Variants in CCDC171 observed in about 807,000 individuals in gnomAD.
CCDC171 encodes coiled-coil domain containing 171.
A neutral mutation model predicts 168.2 loss-of-function variants in CCDC171; 177 were observed. The observed-to-expected ratio is 1.05, with a 90% confidence interval of 0.93 to 1.19. The LOEUF is 1.19. CCDC171 is among the 50% of genes most tolerant of loss of function. The pLI, the probability that CCDC171 is intolerant of heterozygous loss-of-function variation, is 0.00. For missense variants in CCDC171, 1,991 were observed against 1,539.0 expected (o/e 1.29, Z -4.91); for synonymous variants, 687 against 540.8 (o/e 1.27, Z -3.75).
intron 11 of CCDC171, among the ~76,000 whole-genome samples, chr9:15,714,082 T>A (rs925306583): frequency 1.1e-4 from 16 of 152,160 alleles, no homozygotes; most frequent in Non-Finnish European, 2.4e-4. Context: ...TCATATTGAT[T>A]AATTCACTGT....
chr9:15,792,618 G>A lies in CCDC171; in HGVS notation c.3267+7924G>A, dbSNP rs938313523. On this transcript the variant is annotated intron_variant, in intron 21 of 25. Coordinates refer to ENST00000380701, the MANE Select transcript of CCDC171 (RefSeq NM_173550.4). ...AAGGGAAGCCCATCAGACTAACAGC[G>A]GATCTCTCGGCAGAAACTCTACAAG... Among the ~76,000 whole-genome samples the A allele has an allele frequency of 8.0e-4, 122 of 152,242 alleles. 1 individual carries two copies. The highest frequency in any genetic ancestry group is 1.5e-3 in the East Asian group (8 of 5,174).
At chr9:15,987,576 C>G (rs1832033631) in intron 3 of CCDC171, among the ~76,000 whole-genome samples, 2 of 152,078 alleles carry the variant, frequency 1.3e-5, no homozygotes, top group South Asian at 4.1e-4. Flanking sequence ...TGGCAGTAGC[C>G]AAATCCTGAA....
intron 7 of CCDC171, among the ~76,000 whole-genome samples, chr9:15,638,685 A>G (rs2046376090): frequency 1.3e-5 from 2 of 151,894 alleles, no homozygotes; most frequent in South Asian, 4.1e-4. Context: ...ACATAAATAT[A>G]AAAGAATTTA....
At chr9:16,039,728 C>A (rs972243563), upstream of CCDC171, among the ~76,000 whole-genome samples, 2 of 152,190 alleles carry the variant, frequency 1.3e-5, no homozygotes, top group African/African-American at 4.8e-5. Flanking sequence ...AATTTGCACA[C>A]ATTACTCCTA....
At chr9:16,093,972 C>G in the CCDC171 span, among the ~76,000 whole-genome samples, 1 of 152,208 alleles carries the variant, frequency 6.6e-6, no homozygotes, top group African/African-American at 2.4e-5. Flanking sequence ...CCATGTGTGG[C>G]TTTGTTTCCC....
intron 18 of CCDC171, among the ~76,000 whole-genome samples, chr9:15,759,703 A>G (rs779667334): frequency 7.2e-5 from 11 of 152,206 alleles, no homozygotes; most frequent in African/African-American, 1.2e-4. Flanking sequence ...ATCTTTTGCA[A>G]GAAAACTCAC....
the CCDC171 span, among the ~76,000 whole-genome samples, chr9:16,069,315 T>C: frequency 1.3e-5 from 2 of 152,214 alleles, no homozygotes; most frequent in African/African-American, 2.4e-5. Context: ...TTTTGTGAGA[T>C]TCAAAAATGC....
the CCDC171 span, among the ~76,000 whole-genome samples, chr9:16,078,845 G>A: frequency 1.2e-4 from 18 of 152,238 alleles, no homozygotes; most frequent in Admixed American, 3.3e-4. Flanking sequence ...AGAAGTGACT[G>A]GTTACAGGTC....
At chr9:15,960,000 C>G (rs948301887) in intron 25 of CCDC171, among the ~76,000 whole-genome samples, 1 of 152,086 alleles carries the variant, frequency 6.6e-6, no homozygotes, top group Non-Finnish European at 1.5e-5. Flanking sequence ...TGAAGGCAGA[C>G]CCTGTTGGAG....
intron 3 of CCDC171, among the ~76,000 whole-genome samples, chr9:15,988,958 G>A (rs111594073): frequency 0.062 from 9,361 of 152,144 alleles, 944 homozygotes; most frequent in African/African-American, 0.21. Context: ...AGCCCACCGC[G>A]GCTCAAGGAG....
intron 9 of CCDC171, among the ~76,000 whole-genome samples, chr9:15,677,012 G>C (rs976074428): frequency 3.9e-5 from 6 of 152,106 alleles, no homozygotes; most frequent in African/African-American, 1.4e-4. Flanking sequence ...TTTGTTCCCA[G>C]TGTTCTGAAA....
In CCDC171 at chr9:15,809,653, G is replaced by T. The variant is rs554415768; in HGVS notation, c.3267+24959G>T. On this transcript the variant is annotated intron_variant, in intron 21 of 25. Transcript: ENST00000380701. ...TGTCCGGAGTTGTTCATTCCTCCTG[G>T]TGGCTTCATGGTCTCACTGGCCTCA... Among the ~76,000 whole-genome samples the T allele has an allele frequency of 1.4e-3, 206 of 152,276 alleles. 1 individual carries two copies. The highest frequency in any genetic ancestry group is 4.9e-3 in the African/African-American group (202 of 41,548).
intron 24 of CCDC171, among the ~76,000 whole-genome samples, chr9:15,889,383 C>T (rs1334543123): frequency 6.6e-6 from 1 of 152,076 alleles, no homozygotes; most frequent in Non-Finnish European, 1.5e-5. Flanking sequence ...TGCATTGTGT[C>T]AATGCAATCA....
chr9:15,869,089 G>A (rs943011271), intron 23 of CCDC171, among the ~76,000 whole-genome samples: 5 of 151,926 alleles, frequency 3.3e-5, no homozygotes, highest in South Asian at 2.1e-4. Context: ...TACATGTTCA[G>A]GACAGATGCA....
the CCDC171 span, among the ~76,000 whole-genome samples, chr9:16,067,247 G>A: frequency 6.6e-6 from 1 of 151,940 alleles, no homozygotes; most frequent in Non-Finnish European, 1.5e-5. Flanking sequence ...TTTTTTGGCT[G>A]TATAAATGTC....
intron 21 of CCDC171, among the ~76,000 whole-genome samples, chr9:15,814,411 A>C (rs903670136): frequency 2.6e-5 from 4 of 152,198 alleles, no homozygotes; most frequent in African/African-American, 9.6e-5. Context: ...GCTCTTATAA[A>C]TGAAAATTTA....
At chr9:15,632,276 C>T (rs1029104419) in intron 7 of CCDC171, among the ~76,000 whole-genome samples, 14 of 151,062 alleles carry the variant, frequency 9.3e-5, no homozygotes, top group African/African-American at 1.5e-4. Flanking sequence ...AAAACCCCAT[C>T]GTCTCAGCCC....
At chr9:15,594,220 T>C in intron 6 of CCDC171, 48 bp downstream of exon 6, 3 of 1,043,132 alleles carry the variant, frequency 2.9e-6, no homozygotes, top group Non-Finnish European at 4.2e-6. Context: ...TTAATGCTTA[T>C]GATATTCAAA....
At chr9:15,721,995 A>G (rs2053514183) in intron 12 of CCDC171, 120 bp downstream of exon 12, 1 of 394,864 alleles carries the variant, frequency 2.5e-6, no homozygotes, top group Non-Finnish European at 4.5e-6. Flanking sequence ...TCACAGATAC[A>G]AAAAATAATA....
Sources: allele counts gnomAD v4.1 joint callset (sites outside exome capture counted in the v4.1 genomes callset), GRCh38; gene constraint gnomAD v4.1.1; transcripts MANE v1.5; gene names NCBI Gene and HGNC (gene_info 2026-07-23, HGNC 2026-07-21).